Variants in HDAC9 observed in about 807,000 individuals in gnomAD.
HDAC9 encodes MEF-2 interacting transcription repressor (MITR) protein.
In HDAC9, 41 loss-of-function variants were observed where a neutral mutation model predicts 139.4. The ratio of observed to expected loss-of-function variants is 0.29; its 90% CI spans 0.23 to 0.38. The LOEUF is 0.38. Among genes scored for constraint, HDAC9 ranks in the 10% least tolerant of loss-of-function variants. The probability of loss-of-function intolerance (pLI) is 1.00; values close to 1 mark genes in which losing one functional copy is unlikely to be tolerated. For synonymous variants in HDAC9, 517 were observed against 476.2 expected (o/e 1.09, Z -1.12); for missense variants, 1,147 against 1,297.0 (o/e 0.88, Z 1.78).
intron 2 of HDAC9, among the ~76,000 whole-genome samples, chr7:18,248,135 A>G (rs1017510228): frequency 6.6e-6 from 1 of 152,218 alleles, no homozygotes; most frequent in Admixed American, 6.5e-5. Flanking sequence ...TGTATTATGT[A>G]TAACTAATAA....
At chr7:18,980,278 A>T (rs1241196889) in intron 25 of HDAC9, among the ~76,000 whole-genome samples, 1 of 152,178 alleles carries the variant, frequency 6.6e-6, no homozygotes, top group Non-Finnish European at 1.5e-5. Context: ...AACAGTGTTT[A>T]CTTTGAAAAA....
chr7:18,363,614 T>G (rs1475228733), intron 1 of HDAC9, among the ~76,000 whole-genome samples: 1 of 152,154 alleles, frequency 6.6e-6, no homozygotes, highest in Non-Finnish European at 1.5e-5. Context: ...ACCACTAAGT[T>G]TCTCCATCTG....
chr7:18,316,525 C>T (rs186173048), intron 1 of HDAC9, among the ~76,000 whole-genome samples: 186 of 151,398 alleles, frequency 1.2e-3, no homozygotes, highest in Non-Finnish European at 2.3e-3. Flanking sequence ...TTGCCAGGTA[C>T]GGTGGCTCAT....
At chr7:18,554,780 C>T (rs1194939721) in intron 2 of HDAC9, among the ~76,000 whole-genome samples, 2 of 152,130 alleles carry the variant, frequency 1.3e-5, no homozygotes, top group African/African-American at 2.4e-5. Context: ...CCCTCATGAG[C>T]TTTCTCTCTT....
chr7:18,846,545 A>G (rs1466503335), intron 21 of HDAC9, among the ~76,000 whole-genome samples: 1 of 152,242 alleles, frequency 6.6e-6, no homozygotes, highest in Admixed American at 6.5e-5. Context: ...CATCAGAAAC[A>G]GTATACACGT....
At chr7:18,519,521 A>G (rs1027690553) in intron 2 of HDAC9, among the ~76,000 whole-genome samples, 9 of 152,190 alleles carry the variant, frequency 5.9e-5, no homozygotes, top group African/African-American at 2.2e-4. Context: ...GAAGATGATC[A>G]ATCTTTGTCA....
chr7:18,904,167 A>G (rs1016149346), intron 22 of HDAC9, among the ~76,000 whole-genome samples: 5 of 152,236 alleles, frequency 3.3e-5, no homozygotes, highest in African/African-American at 4.8e-5. Context: ...TTTACTTTCT[A>G]CTTTAGTGGC....
intron 2 of HDAC9, among the ~76,000 whole-genome samples, chr7:18,556,189 A>T (rs1818741242): frequency 6.6e-6 from 1 of 152,084 alleles, no homozygotes; most frequent in South Asian, 2.1e-4. Flanking sequence ...ACTTCGTGTT[A>T]GAAATATGTG....
chr7:18,371,467 C>T (rs1311593851), intron 1 of HDAC9, among the ~76,000 whole-genome samples: 2 of 152,126 alleles, frequency 1.3e-5, no homozygotes, highest in Admixed American at 6.6e-5. Context: ...TTTTATCTCA[C>T]TGATTCTAAC....
In HDAC9 at chr7:18,126,366, C is replaced by T. The variant is rs556962733; in HGVS notation, c.-96-35863C>T. Among the ~76,000 whole-genome samples, 56 of 152,092 alleles carry T rather than the reference C, an allele frequency of 3.7e-4. 1 individual carries two copies. In the South Asian group the frequency reaches 0.011, roughly 30 times the overall value. On this transcript the variant is annotated intron_variant, in intron 1 of 12. Coordinates refer to the HDAC9 transcript ENST00000417496. ...CAGTTTTTACATTCTGAATAGAGCACGTGTTTTTTCTGAGTCAGACAGGCA... is the reference window on the plus strand; with the variant it reads ...CAGTTTTTACATTCTGAATAGAGCATGTGTTTTTTCTGAGTCAGACAGGCA...
intron 24 of HDAC9, among the ~76,000 whole-genome samples, chr7:18,966,920 G>A (rs1006878554): frequency 1.3e-4 from 20 of 151,918 alleles, no homozygotes; most frequent in African/African-American, 3.9e-4. Flanking sequence ...TTTTAATTTC[G>A]CTATCAACAT....
At chr7:18,222,824 A>T (rs888547338) in intron 2 of HDAC9, among the ~76,000 whole-genome samples, 2 of 152,156 alleles carry the variant, frequency 1.3e-5, no homozygotes, top group African/African-American at 4.8e-5. Flanking sequence ...TAATAACAGT[A>T]TGAAGAAATA....
intron 23 of HDAC9, among the ~76,000 whole-genome samples, chr7:18,950,087 G>A (rs1025421123): frequency 1.3e-5 from 2 of 151,786 alleles, no homozygotes; most frequent in African/African-American, 2.4e-5. Context: ...GTATTGAGAT[G>A]ATCCCAGTTC....
At chr7:18,927,203 C>A (rs1027235791) in intron 22 of HDAC9, among the ~76,000 whole-genome samples, 1 of 152,058 alleles carries the variant, frequency 6.6e-6, no homozygotes, top group East Asian at 1.9e-4. Context: ...TTTATGGTAG[C>A]GACAATGGTT....
Position 18,973,349 on chromosome 7 carries a change from C to T in HDAC9, c.3023-2457C>T, listed in dbSNP as rs546161135. ...AAGAAAAGGATGTCATAAGGCATCA[C>T]TAGCTTTGTAAATGTCATCTGCTAA... On this transcript the variant is annotated intron_variant, in intron 24 of 25. Transcript: ENST00000686413. 2.6e-5 allele frequency among the ~76,000 whole-genome samples: 4 copies of T among 152,260 alleles called. No homozygotes were observed. In the South Asian group the frequency reaches 8.3e-4, roughly 32 times the overall value.
rs769690985 is a variant in HDAC9 at position 18,272,922 on chromosome 7, A to G, written c.25+110573A>G. 5.8e-3 allele frequency among the ~76,000 whole-genome samples: 176 copies of G among 30,424 alleles called. 1 individual carries two copies. Among genetic ancestry groups the G allele is most frequent in the African/African-American group, 0.013 (164 of 12,612 alleles). 20.0% of individuals were successfully genotyped at this position (30,424 alleles called of 152,430 possible). ...AGATAACTAGACTACTGCTACTACT[A>G]CTACTACTACTACTACTACTACTAC... On this transcript the variant is annotated intron_variant, in intron 2 of 12. Coordinates refer to the HDAC9 transcript ENST00000417496.
At chr7:18,407,516 C>A (rs1001698177) in intron 1 of HDAC9, among the ~76,000 whole-genome samples, 1 of 152,040 alleles carries the variant, frequency 6.6e-6, no homozygotes, top group Non-Finnish European at 1.5e-5. Context: ...AGTCAATGTG[C>A]AGCCTTCTGT....
intron 9 of HDAC9, among the ~76,000 whole-genome samples, chr7:18,647,470 T>A (rs1787802238): frequency 6.6e-6 from 1 of 152,198 alleles, no homozygotes; most frequent in Admixed American, 6.5e-5. Flanking sequence ...CATCATCATG[T>A]ACAACAGATC....
intron 1 of HDAC9, among the ~76,000 whole-genome samples, chr7:18,450,081 A>G (rs890370977): frequency 1.3e-5 from 2 of 152,206 alleles, no homozygotes; most frequent in African/African-American, 4.8e-5. Context: ...CTGCATGGCC[A>G]CTTATGGGAG....
Sources: gnomAD v4.1 joint callset for allele counts (sites outside exome capture counted in the v4.1 genomes callset) on GRCh38, gnomAD v4.1.1 for gene constraint, MANE v1.5 for transcripts, NCBI Gene and HGNC (gene_info 2026-07-23, HGNC 2026-07-21) for gene names.